AGBL1: variants seen among roughly 807,000 people sequenced by gnomAD.
AGBL1 encodes the protein AGBL carboxypeptidase 1, also known as cytosolic carboxypeptidase 4.
Under a neutral mutation model 118.9 loss-of-function variants are expected in AGBL1, and 130 were observed. That is an observed-to-expected ratio of 1.09 (90% confidence interval 0.95 to 1.26). The LOEUF (loss-of-function observed/expected upper bound fraction) is 1.26, where lower values mean the gene tolerates loss of function less well. Among genes scored for constraint, AGBL1 ranks in the 50% most tolerant of loss-of-function variants. AGBL1 has a pLI of 0.00. For missense variants in AGBL1, 1,584 were observed against 1,298.1 expected (o/e 1.22, Z -3.38); for synonymous variants, 555 against 478.9 (o/e 1.16, Z -2.08).
At chr15:86,231,976 C>A (rs74789391) in intron 6 of AGBL1, among the ~76,000 whole-genome samples, 6,632 of 152,248 alleles carry the variant, frequency 0.044, 188 homozygotes, top group South Asian at 0.087. Flanking sequence ...AGGTACCCAG[C>A]ACACCACCAT....
At chr15:86,852,193 C>A (rs576138768) in intron 22 of AGBL1, among the ~76,000 whole-genome samples, 2 of 152,242 alleles carry the variant, frequency 1.3e-5, no homozygotes, top group African/African-American at 4.8e-5. Context: ...GAAGGGGAAG[C>A]AGGCACCTTC....
intron 22 of AGBL1, among the ~76,000 whole-genome samples, chr15:86,884,566 C>T (rs911161266): frequency 4.6e-5 from 7 of 152,286 alleles, no homozygotes; most frequent in Non-Finnish European, 1.5e-5. Context: ...TAATACCAGC[C>T]TTTGGGAGGC....
intron 22 of AGBL1, among the ~76,000 whole-genome samples, chr15:86,773,951 T>C (rs941851610): frequency 1.9e-4 from 29 of 152,202 alleles, no homozygotes; most frequent in African/African-American, 5.8e-4. Context: ...CTGAGAGGGA[T>C]AGCACAGCCA....
At chr15:86,866,702 A>C (rs2079635134) in intron 22 of AGBL1, among the ~76,000 whole-genome samples, 1 of 152,146 alleles carries the variant, frequency 6.6e-6, no homozygotes, top group Admixed American at 6.5e-5. Context: ...AAAAACACAA[A>C]AATTAGCTAG....
intron 22 of AGBL1, among the ~76,000 whole-genome samples, chr15:86,827,937 G>GTTTTTTTTTTTTTTTTTTTTTTTTTTT (rs71460225): frequency 1.3e-4 from 1 of 7,802 alleles, no homozygotes; most frequent in Non-Finnish European, 2.2e-4. Flanking sequence ...TTGATGTAGG[G>GTTTTTTTTTTTTTTTTTTTTTTTTTTT]CTTTTTTTTT....
At chr15:86,980,126 C>T (rs1442357232) in intron 23 of AGBL1, among the ~76,000 whole-genome samples, 1 of 146,808 alleles carries the variant, frequency 6.8e-6, no homozygotes, top group African/African-American at 2.5e-5. Flanking sequence ...GAATTCTTTG[C>T]CCTCCTAGAG....
At chr15:86,532,073 C>A (rs569056934) in intron 19 of AGBL1, among the ~76,000 whole-genome samples, 6 of 151,212 alleles carry the variant, frequency 4.0e-5, no homozygotes, top group Non-Finnish European at 7.4e-5. Flanking sequence ...CCTCTCTCAC[C>A]GCTCCTATTC....
At chr15:86,259,201 T>C (rs1025664820) in intron 9 of AGBL1, among the ~76,000 whole-genome samples, 2 of 152,178 alleles carry the variant, frequency 1.3e-5, no homozygotes, top group African/African-American at 2.4e-5. Flanking sequence ...AGTACCTACC[T>C]CATTACCCTC....
intron 17 of AGBL1, among the ~76,000 whole-genome samples, chr15:86,356,335 C>CGTGTGTGTGTGTGT (rs55955604): frequency 1.3e-5 from 2 of 150,042 alleles, no homozygotes; most frequent in African/African-American, 4.9e-5. Context: ...CGAAGATAGA[C>CGTGTGTGTGTGTGT]GTGTGTGTGT....
chr15:86,872,454 C>G (rs1276870182), intron 22 of AGBL1, among the ~76,000 whole-genome samples: 6 of 152,086 alleles, frequency 3.9e-5, no homozygotes, highest in Non-Finnish European at 7.4e-5. Context: ...AGAGAAAAAT[C>G]TAAAAATATA....
chr15:86,756,514 G>C (rs755187146), intron 22 of AGBL1, among the ~76,000 whole-genome samples: 1 of 150,702 alleles, frequency 6.6e-6, no homozygotes, highest in Non-Finnish European at 1.5e-5. Context: ...AAGAAGGGAA[G>C]GGCAGAGTTG....
rs1024921044 is a variant in AGBL1, at chr15:86,820,302, T to C, written c.3159-86785T>C. On this transcript the variant is annotated intron_variant, in intron 22 of 22. Transcript: ENST00000614907. ...CCAAAATTGACAAATGGGAACCAATTAAACTAAAGAGCTTCTGCACAGCAA... is the reference window on the plus strand; with the variant it reads ...CCAAAATTGACAAATGGGAACCAATCAAACTAAAGAGCTTCTGCACAGCAA... Among the ~76,000 whole-genome samples, 8 of 152,206 alleles carry C rather than the reference T, an allele frequency of 5.3e-5. No homozygotes were observed. In the East Asian group the frequency reaches 1.2e-3, roughly 22 times the overall value.
intron 22 of AGBL1, among the ~76,000 whole-genome samples, chr15:86,832,309 A>G (rs1426134485): frequency 2.0e-5 from 3 of 152,230 alleles, no homozygotes; most frequent in African/African-American, 4.8e-5. Context: ...TTCTTCTCAG[A>G]AAATGGGTTT....
At chr15:86,124,461 T>C (rs1898294118) in intron 1 of AGBL1, among the ~76,000 whole-genome samples, 1 of 152,070 alleles carries the variant, frequency 6.6e-6, no homozygotes, top group Non-Finnish European at 1.5e-5. Flanking sequence ...ATGTTGACAA[T>C]AACACAACAG....
At chr15:86,692,553 T>C (rs1342517213) in intron 22 of AGBL1, among the ~76,000 whole-genome samples, 1 of 152,132 alleles carries the variant, frequency 6.6e-6, no homozygotes, top group African/African-American at 2.4e-5. Context: ...GAGGAATAAA[T>C]ACCACATCTC....
intron 18 of AGBL1, among the ~76,000 whole-genome samples, chr15:86,401,274 C>T (rs1579518): frequency 0.034 from 5,115 of 152,004 alleles, 291 homozygotes; most frequent in African/African-American, 0.12. Context: ...ACTGTCTATT[C>T]GTGTCCTTTG....
chr15:86,735,602 C>CTGTGTGTGTGTG (rs35147328), intron 22 of AGBL1, among the ~76,000 whole-genome samples: 113 of 141,986 alleles, frequency 8.0e-4, no homozygotes, highest in African/African-American at 2.8e-3. Context: ...GAGATACAGA[C>CTGTGTGTGTGTG]TGTGTGTGTG....
At chr15:86,090,347 A>G (rs927725563) in intron 1 of AGBL1, among the ~76,000 whole-genome samples, 6 of 152,356 alleles carry the variant, frequency 3.9e-5, no homozygotes, top group South Asian at 2.1e-4. Context: ...GATGTAAATT[A>G]TAGGGAGGAA....
intron 21 of AGBL1, among the ~76,000 whole-genome samples, chr15:86,599,997 G>A (rs893676108): frequency 6.6e-6 from 1 of 151,958 alleles, no homozygotes; most frequent in Non-Finnish European, 1.5e-5. Context: ...ACTTAAATTG[G>A]CAGTACATTT....
Sources: gnomAD v4.1 joint callset for allele counts (sites outside exome capture counted in the v4.1 genomes callset) on GRCh38, gnomAD v4.1.1 for gene constraint, MANE v1.5 for transcripts, NCBI Gene and HGNC (gene_info 2026-07-23, HGNC 2026-07-21) for gene names.